Variants in ACSL5 observed in about 807,000 individuals in gnomAD.
ACSL5 encodes long-chain-fatty-acid--CoA ligase 5.
ACSL5 carries 50 observed loss-of-function variants against 84.9 expected under a neutral mutation model. That is an observed-to-expected ratio of 0.59 (90% CI 0.47 to 0.75). The LOEUF is 0.75. Ranked by LOEUF, ACSL5 falls within the 30% of genes least tolerant of loss-of-function variation. ACSL5 has a pLI of 0.00. For missense variants in ACSL5, 775 were observed against 830.4 expected, an observed-to-expected ratio of 0.93 and a Z score of 0.82; for synonymous variants, 280 against 300.7, an observed-to-expected ratio of 0.93 and a Z score of 0.71.
chr10:112,407,473 C>T (rs958283581), intron 5 of ACSL5, among the ~76,000 whole-genome samples: 8 of 152,162 alleles, frequency 5.3e-5, no homozygotes, highest in African/African-American at 1.9e-4. Flanking sequence ...CTTCCCATCT[C>T]AGCCTCCCAA....
chr10:112,427,468 T>A lies in ACSL5; in HGVS notation c.*110T>A. On this transcript the variant is annotated 3_prime_UTR_variant, in exon 21 of 21. Coordinates refer to ENST00000354655, the MANE Select transcript of ACSL5 (RefSeq NM_203379.2). ...TTTCCTCCTATTTTTTTTTAACCTG[T>A]TAAACTCTAAAGCCATAGCTTTTGT... The A allele has an allele frequency of 9.4e-7, 1 of 1,069,268 alleles. No homozygotes were observed. Among genetic ancestry groups the A allele is most frequent in the Non-Finnish European group, 1.3e-6 (1 of 767,776 alleles). The allele number at this position is 1,069,268 out of a possible 1,614,324, so 66.2% of individuals were successfully genotyped here.
intron 1 of ACSL5, among the ~76,000 whole-genome samples, chr10:112,378,227 GTTTTTTTTTTTTTTTTTTTT>G (rs144322644): frequency 3.5e-5 from 2 of 56,782 alleles, no homozygotes; most frequent in East Asian, 7.3e-4. Context: ...TCTTCTTCTT[GTTTTTTTTTTTTTTTTTTTT>G]TTTTTTTTTT....
intron 14 of ACSL5, among the ~76,000 whole-genome samples, chr10:112,420,971 C>T (rs891390769): frequency 2.6e-5 from 4 of 152,202 alleles, no homozygotes; most frequent in South Asian, 4.1e-4. Context: ...ATCCTCCCGC[C>T]TTGGCTTCCC....
chr10:112,398,918 G>A lies in ACSL5; in HGVS notation c.174G>A (p.Gly58=). 6.2e-7 allele frequency: 1 copy of A among 1,614,062 alleles called. No individual in the cohort carries two copies. The highest frequency in any genetic ancestry group is 8.5e-7 in the Non-Finnish European group (1 of 1,179,986). The change falls in exon 3 of 21, where the codon GGG becomes GGA. Residue 58 remains glycine, a synonymous_variant. Transcript: ENST00000354655. ...SVGIEGGARK[G]VSQKNNDLTS... ...TGTCTTAGGGAGGAGCACGGAAGGGGGTTTCCCAGAAGAACAATGACCTAA... is the reference window on the plus strand; with the variant it reads ...TGTCTTAGGGAGGAGCACGGAAGGGAGTTTCCCAGAAGAACAATGACCTAA...
chr10:112,407,636 T>C (rs1844074661), intron 5 of ACSL5, among the ~76,000 whole-genome samples: 1 of 152,206 alleles, frequency 6.6e-6, no homozygotes. Flanking sequence ...ATGGGGATTA[T>C]GGGAACTACA....
rs74996244 is a variant in ACSL5 at position 112,427,225 on chromosome 10, C to A, written c.1919C>A (p.Ala640Asp). 1 of 1,611,590 alleles carries A rather than the reference C, an allele frequency of 6.2e-7. No homozygotes were observed. The highest frequency in any genetic ancestry group is 8.5e-7 in the Non-Finnish European group (1 of 1,179,100). The part of the protein sequence containing the change: ...SGLKTFEQVK[A>D]IFLHPEPFSI... Reference sequence around the variant, plus strand: ...TGTGTGTTCATCTTCCAGGTCAAAGCCATTTTTCTTCATCCAGAGCCATTT... The same window carrying A: ...TGTGTGTTCATCTTCCAGGTCAAAGACATTTTTCTTCATCCAGAGCCATTT... Residue 640 changes from alanine (A) to aspartate (D), a missense_variant, in exon 21 of 21, where the codon GCC becomes GAC. Ala to Asp is a moderately radical substitution (Grantham distance 126). Transcript: ENST00000354655.
chr10:112,398,974 T>A lies in ACSL5; in HGVS notation c.230T>A (p.Met77Lys). 1 of 1,614,052 alleles carries A rather than the reference T, an allele frequency of 6.2e-7. No individual in the cohort carries two copies. Among genetic ancestry groups the A allele is most frequent in the Non-Finnish European group, 8.5e-7 (1 of 1,179,976 alleles). ...TGCTGCTTCTCAGATGCCAAGACTA[T>A]GTATGAGGTTTTCCAAAGAGGACTC... ...TSCCFSDAKTMYEVFQRGLAV... is the reference protein window; with the variant it reads ...TSCCFSDAKTKYEVFQRGLAV... The change falls in exon 3 of 21, where the codon ATG becomes AAG. Residue 77 changes from methionine (M) to lysine (K), a missense_variant. Physicochemically the swap from Met to Lys is moderately conservative, Grantham distance 95. Transcript: ENST00000354655.
Position 112,427,413 on chromosome 10 carries a change from A to T in ACSL5, c.*55A>T, listed in dbSNP as rs1589708517. On this transcript the variant is annotated 3_prime_UTR_variant, in exon 21 of 21. Transcript: ENST00000354655. The stretch of plus-strand genomic sequence containing the variant: ...CTGTGCACTGCTTGTGAGAAAATGG[A>T]TTAAAAACTATTCTTACATTTGTTT... 2 of 1,471,022 alleles carry T rather than the reference A, an allele frequency of 1.4e-6. No homozygotes were observed. The highest frequency in any genetic ancestry group is 4.8e-5 in the Admixed American group (2 of 41,914). 91.1% of individuals were successfully genotyped at this position (1,471,022 alleles called of 1,614,324 possible). A position where few individuals can be genotyped will look rare whatever the true frequency, so the allele number is the denominator to read the frequency against.
At chr10:112,409,997 T>A (rs1043380128) in intron 7 of ACSL5, 13 of 220,696 alleles carry the variant, frequency 5.9e-5, no homozygotes, top group Non-Finnish European at 9.2e-5. Flanking sequence ...CAGCTCCACA[T>A]CTGTTAGGCA....
chr10:112,418,201 CAGT>C (rs749307873), intron 14 of ACSL5, among the ~76,000 whole-genome samples: 2 of 152,156 alleles, frequency 1.3e-5, no homozygotes, highest in Non-Finnish European at 2.9e-5. Flanking sequence ...AATGATTTCA[CAGT>C]AGTTTACTGA....
chr10:112,394,694 A>G, intron 1 of ACSL5: 1 of 970,348 alleles, frequency 1.0e-6, no homozygotes, highest in Non-Finnish European at 1.2e-6. Flanking sequence ...GAGGACAGTC[A>G]AGTAGCAGAG....
In ACSL5 at chr10:112,427,205, G is replaced by A; in HGVS notation, c.1912-13G>A. 6.2e-7 allele frequency: 1 copy of A among 1,607,092 alleles called. No homozygotes were observed. The highest frequency in any genetic ancestry group is 8.5e-7 in the Non-Finnish European group (1 of 1,177,078). ...CACTAATGAGCATGGATGTGTGTGT[G>A]TTCATCTTCCAGGTCAAAGCCATTT... On this transcript the variant is annotated splice_polypyrimidine_tract_variant and intron_variant, in intron 20 of 20. Transcript: ENST00000354655.
Position 112,378,999 on chromosome 10 carries a change from A to G in ACSL5, c.-30+4730A>G, listed in dbSNP as rs1379980791. ...AGTCTTCATGGGCCATTCTATTCTA[A>G]GAGTTGTGAGGTTGCGAGTGGCTCA... is the stretch of plus-strand genomic sequence containing the variant. On this transcript the variant is annotated intron_variant, in intron 1 of 20. Coordinates refer to ENST00000354655, the MANE Select transcript of ACSL5 (RefSeq NM_203379.2). 2.0e-5 allele frequency among the ~76,000 whole-genome samples: 3 copies of G among 152,146 alleles called. No homozygotes were observed. In the East Asian group the frequency reaches 5.8e-4, roughly 29 times the overall value.
chr10:112,378,709 A>C (rs929782642), intron 1 of ACSL5, among the ~76,000 whole-genome samples: 1 of 152,128 alleles, frequency 6.6e-6, no homozygotes, highest in Non-Finnish European at 1.5e-5. Flanking sequence ...CCCAGCAGCC[A>C]TGAGTCCAGC....
chr10:112,406,734 G>C (rs546045767), intron 5 of ACSL5: 2 of 152,248 alleles, frequency 1.3e-5, no homozygotes, highest in African/African-American at 4.8e-5. Flanking sequence ...TGCTGGGGAG[G>C]CCTCAAGAAA....
At chr10:112,413,122 C>A in intron 11 of ACSL5, 51 bp from the exon 12 acceptor site, 1 of 1,602,244 alleles carries the variant, frequency 6.2e-7, no homozygotes, top group South Asian at 1.1e-5. Context: ...GACAGGTCCC[C>A]ACTAAAGGGG....
chr10:112,389,628 A>T (rs1292004996), intron 1 of ACSL5, among the ~76,000 whole-genome samples: 1 of 152,188 alleles, frequency 6.6e-6, no homozygotes, highest in Non-Finnish European at 1.5e-5. Context: ...CCCACTGCTT[A>T]CAGGGGATTC....
intron 5 of ACSL5, 168 bp from the exon 6 acceptor site, chr10:112,408,254 A>G (rs1564738603): frequency 6.0e-6 from 3 of 501,024 alleles, no homozygotes; most frequent in East Asian, 3.1e-5. Flanking sequence ...AGCTATGATC[A>G]CACCACTGCA....
intron 1 of ACSL5, among the ~76,000 whole-genome samples, chr10:112,378,248 T>C (rs1849280994): frequency 7.6e-6 from 1 of 131,084 alleles, no homozygotes; most frequent in Non-Finnish European, 1.6e-5. Context: ...TTTTTTTTTT[T>C]TTTTTTTTTT....
Sources: gnomAD v4.1 joint callset for allele counts (sites outside exome capture counted in the v4.1 genomes callset) on GRCh38, gnomAD v4.1.1 for gene constraint, MANE v1.5 for transcripts, NCBI Gene and HGNC (gene_info 2026-07-23, HGNC 2026-07-21) for gene names.